The following GALNT18 variants were observed in gnomAD, a reference collection of about 807,000 sequenced individuals.
GALNT18 encodes the protein polypeptide N-acetylgalactosaminyltransferase 18.
Under a neutral mutation model 69.5 loss-of-function variants are expected in GALNT18, and 44 were observed. The observed-to-expected ratio is 0.63, with a 90% CI of 0.50 to 0.81. The LOEUF is 0.81. GALNT18 is among the 40% of genes least tolerant of loss of function. The pLI is 0.00. For missense variants in GALNT18, 715 were observed against 810.0 expected (o/e 0.88, Z 1.42); for synonymous variants, 364 against 318.2 (o/e 1.14, Z -1.53).
rs959470734 is a variant in GALNT18 at position 11,387,940 on chromosome 11, C to T, written c.596-8676G>A. 1.3e-5 allele frequency among the ~76,000 whole-genome samples: 2 copies of T among 152,212 alleles called. No homozygotes were observed. The highest frequency in any genetic ancestry group is 1.9e-4 in the East Asian group (1 of 5,200). On this transcript the variant is annotated intron_variant, in intron 3 of 10. Coordinates refer to ENST00000227756, the MANE Select transcript of GALNT18 (RefSeq NM_198516.3). The surrounding 1 kb of genome is among the most constrained non-coding windows in gnomAD (Gnocchi z 4.6). ...CTGGGCAGTTTACAAATGCCTTCCC[C>T]GAGGTTCATTCTTATGTCTGCTACA...
chr11:11,370,220 A>G (rs1218067627), intron 6 of GALNT18, among the ~76,000 whole-genome samples: 1 of 152,228 alleles, frequency 6.6e-6, no homozygotes, highest in East Asian at 1.9e-4. Flanking sequence ...ATAGGTAAGG[A>G]CTTTGAATAA....
Position 11,605,783 on chromosome 11 carries a change from A to C in GALNT18, c.235+15576T>G, listed in dbSNP as rs1859740128. On this transcript the variant is annotated intron_variant, in intron 1 of 10. Transcript: ENST00000227756. This position sits in a 1 kb window ranked among gnomAD's most constrained non-coding sequence, Gnocchi z 4.7. ...GCACCCACTAGATTGTTTTAGTTTG[A>C]AAGTGACCACAAGTGACAGCTTTAT... Among the ~76,000 whole-genome samples the C allele has an allele frequency of 6.6e-6, 1 of 152,118 alleles. No individual in the cohort carries two copies. The highest frequency in any genetic ancestry group is 1.5e-5 in the Non-Finnish European group (1 of 68,022).
chr11:11,488,041 C>T (rs2133880385), intron 1 of GALNT18, among the ~76,000 whole-genome samples: 1 of 152,336 alleles, frequency 6.6e-6, no homozygotes, highest in South Asian at 2.1e-4. Context: ...CTATCTATGA[C>T]ATTGTGCAAG....
chr11:11,564,724 G>A lies in GALNT18; in HGVS notation c.235+56635C>T, dbSNP rs1858601472. On this transcript the variant is annotated intron_variant, in intron 1 of 10. Transcript: ENST00000227756. The surrounding 1 kb of genome is among the most constrained non-coding windows in gnomAD (Gnocchi z 4.3). Reference sequence around the variant, plus strand: ...GCCAGTCAACCCACACAGCACATTTGCCTAGACTATCCCTGGTCAACCTTT... The same window carrying A: ...GCCAGTCAACCCACACAGCACATTTACCTAGACTATCCCTGGTCAACCTTT... 6.6e-6 allele frequency among the ~76,000 whole-genome samples: 1 copy of A among 152,188 alleles called. No individual in the cohort carries two copies. Among genetic ancestry groups the A allele is most frequent in the African/African-American group, 2.4e-5 (1 of 41,440 alleles).
intron 9 of GALNT18, among the ~76,000 whole-genome samples, chr11:11,308,187 A>G (rs2133025588): frequency 6.6e-6 from 1 of 152,240 alleles, no homozygotes; most frequent in Middle Eastern, 3.4e-3. Flanking sequence ...GACTCTACTC[A>G]CCACTTCCTG....
intron 9 of GALNT18, among the ~76,000 whole-genome samples, chr11:11,316,139 G>T (rs1047688199): frequency 3.9e-5 from 6 of 152,308 alleles, no homozygotes; most frequent in African/African-American, 1.4e-4. Flanking sequence ...CCTGGTTGGG[G>T]TTCCCCAATA....
rs76951772 is a variant in GALNT18 at position 11,368,722 on chromosome 11, G to T, written c.1092+3793C>A. 8.1e-3 allele frequency among the ~76,000 whole-genome samples: 1,229 copies of T among 151,994 alleles called. 13 individuals carry two copies. Among genetic ancestry groups the T allele is most frequent in the African/African-American group, 0.027 (1,116 of 41,474 alleles). On this transcript the variant is annotated intron_variant, in intron 6 of 10. Transcript: ENST00000227756. ...TGACTGATTATTTTTATAGTGTCTT[G>T]CTTCTTATTCATATTTTCAATCTCT...
Position 11,372,124 on chromosome 11 carries a change from G to A in GALNT18, c.1092+391C>T, listed in dbSNP as rs1179009794. Among the ~76,000 whole-genome samples the A allele has an allele frequency of 6.6e-6, 1 of 152,192 alleles. No homozygotes were observed. Among genetic ancestry groups the A allele is most frequent in the Admixed American group, 6.5e-5 (1 of 15,278 alleles). On this transcript the variant is annotated intron_variant, in intron 6 of 10. Transcript: ENST00000227756. The surrounding 1 kb of genome is among the most constrained non-coding windows in gnomAD (Gnocchi z 4.9). ...TCTATGGGCCACTGTGGAGAAGACA[G>A]AGACTGTCAAAGTGAGAAATCCCAA...
chr11:11,407,798 C>T (rs2133750388), intron 3 of GALNT18, among the ~76,000 whole-genome samples: 1 of 152,256 alleles, frequency 6.6e-6, no homozygotes, highest in South Asian at 2.1e-4. Context: ...GACCAGATCC[C>T]CTGGGATTAC....
Position 11,616,948 on chromosome 11 carries a change from A to T in GALNT18, c.235+4411T>A, listed in dbSNP as rs1344130598. ...AGTTAAAGAATAGCAATCAAATTACATGTGAGCAAAATCATTGCAAAAGAT... is the reference window on the plus strand; with the variant it reads ...AGTTAAAGAATAGCAATCAAATTACTTGTGAGCAAAATCATTGCAAAAGAT... On this transcript the variant is annotated intron_variant, in intron 1 of 10. Transcript: ENST00000227756. The surrounding 1 kb of genome is among the most constrained non-coding windows in gnomAD (Gnocchi z 4.4). 3.9e-5 allele frequency among the ~76,000 whole-genome samples: 6 copies of T among 152,276 alleles called. No homozygotes were observed. Among genetic ancestry groups the T allele is most frequent in the African/African-American group, 1.4e-4 (6 of 41,474 alleles).
At chr11:11,597,732 C>T (rs987051620) in intron 1 of GALNT18, among the ~76,000 whole-genome samples, 4 of 150,634 alleles carry the variant, frequency 2.7e-5, no homozygotes, top group Non-Finnish European at 5.9e-5. Flanking sequence ...GCGATCTGGG[C>T]TCACTGCAAG....
At chr11:11,284,538 C>A (rs948646197) in intron 10 of GALNT18, among the ~76,000 whole-genome samples, 1 of 152,166 alleles carries the variant, frequency 6.6e-6, no homozygotes, top group Admixed American at 6.5e-5. Context: ...TGAGGTGGAA[C>A]GTCTGGAGTA....
chr11:11,529,658 G>C (rs541024440), intron 1 of GALNT18, among the ~76,000 whole-genome samples: 159 of 146,524 alleles, frequency 1.1e-3, no homozygotes, highest in Admixed American at 6.7e-3. Flanking sequence ...CACACACACA[G>C]AGACATATGT....
At chr11:11,585,115 G>A (rs1230135561) in intron 1 of GALNT18, among the ~76,000 whole-genome samples, 2 of 152,130 alleles carry the variant, frequency 1.3e-5, no homozygotes, top group African/African-American at 4.8e-5. Flanking sequence ...AATGACTAAT[G>A]TATAATATTA....
At chr11:11,551,366 T>A (rs896025834) in intron 1 of GALNT18, among the ~76,000 whole-genome samples, 1 of 152,200 alleles carries the variant, frequency 6.6e-6, no homozygotes, top group Non-Finnish European at 1.5e-5. Flanking sequence ...TTAAGACCAC[T>A]GCCTTAGCCT....
In GALNT18 at chr11:11,605,390, C is replaced by T. The variant is rs944050803; in HGVS notation, c.235+15969G>A. Among the ~76,000 whole-genome samples, 10 of 152,200 alleles carry T rather than the reference C, an allele frequency of 6.6e-5. No homozygotes were observed. The highest frequency in any genetic ancestry group is 2.4e-4 in the African/African-American group (10 of 41,442). ...CTCCCTCTCCTCACTGCAGACCTTT[C>T]CCGACACCTGTCTCCTGAGTGCGAA... On this transcript the variant is annotated intron_variant, in intron 1 of 10. Transcript: ENST00000227756. This position sits in a 1 kb window ranked among gnomAD's most constrained non-coding sequence, Gnocchi z 4.7.
intron 3 of GALNT18, among the ~76,000 whole-genome samples, chr11:11,390,290 A>G (rs1021887222): frequency 3.9e-5 from 6 of 152,052 alleles, no homozygotes; most frequent in Non-Finnish European, 5.9e-5. Context: ...ACTACCTGCT[A>G]CCTCCACCTG....
At chr11:11,306,854 G>T (rs79593793) in intron 9 of GALNT18, among the ~76,000 whole-genome samples, 218 of 152,274 alleles carry the variant, frequency 1.4e-3, no homozygotes, top group African/African-American at 5.1e-3. Flanking sequence ...TCTGGGCTGT[G>T]CTGTGTCTTA....
In GALNT18 at chr11:11,383,743, G is replaced by A. The variant is rs538257230; in HGVS notation, c.596-4479C>T. 2.0e-5 allele frequency among the ~76,000 whole-genome samples: 3 copies of A among 152,198 alleles called. No homozygotes were observed. The South Asian group carries it at 6.2e-4, about 32-fold the overall frequency. On this transcript the variant is annotated intron_variant, in intron 3 of 10. Transcript: ENST00000227756. This position sits in a 1 kb window ranked among gnomAD's most constrained non-coding sequence, Gnocchi z 5.2. ...GTGTTAAGGTGATTGCATCATGGGGGCAGTTTCCCACACGCTGTTCTCATG... is the reference window on the plus strand; with the variant it reads ...GTGTTAAGGTGATTGCATCATGGGGACAGTTTCCCACACGCTGTTCTCATG...
Sources: allele counts gnomAD v4.1 joint callset (sites outside exome capture counted in the v4.1 genomes callset), GRCh38; gene constraint gnomAD v4.1.1; non-coding constraint Gnocchi (gnomAD v3.1); transcripts MANE v1.5; gene names NCBI Gene and HGNC (gene_info 2026-07-23, HGNC 2026-07-21).